TNS2: variants seen among roughly 807,000 people sequenced by gnomAD.
TNS2 encodes tensin 2.
A neutral mutation model predicts 155.7 loss-of-function variants in TNS2; 77 were observed. The ratio of observed to expected loss-of-function variants is 0.49; its 90% CI spans 0.41 to 0.60. The LOEUF (loss-of-function observed/expected upper bound fraction) is 0.60. Ranked by LOEUF, TNS2 falls within the 20% of genes least tolerant of loss-of-function variation. TNS2 has a pLI of 0.00. For missense variants in TNS2, 1,703 were observed against 1,868.8 expected (o/e 0.91, Z 1.64); for synonymous variants, 726 against 763.9 (o/e 0.95, Z 0.82).
intron 3 of TNS2, 70 bp from the exon 4 acceptor site, chr12:53,053,341 G>A: frequency 1.3e-6 from 2 of 1,586,294 alleles, no homozygotes; most frequent in South Asian, 2.2e-5. Context: ...GAAGCTGAGG[G>A]GCTGCCCCAT....
At position 53,050,156 on chromosome 12, in the gene TNS2, T is replaced by TGGGGCCAGCACC. The variant is rs1943875371; in HGVS notation, c.-29_-18dup. 6.2e-7 allele frequency: 1 copy of TGGGGCCAGCACC among 1,603,736 alleles called. No homozygotes were observed. On this transcript the variant is annotated 5_prime_UTR_variant, in exon 1 of 29. Coordinates refer to ENST00000314250, the MANE Select transcript of TNS2 (RefSeq NM_170754.4). The surrounding 1 kb of genome is among the most constrained non-coding windows in gnomAD (Gnocchi z 4.7). ...CCAGGCCCCAGCATTGTTCAGGCCC[T>TGGGGCCAGCACC]GGGGCCAGCACCCCAGCCAGCCGAA...
At chr12:53,054,183 C>G (rs1447418245) in intron 6 of TNS2, 87 bp from the exon 7 acceptor site, 1 of 1,596,648 alleles carries the variant, frequency 6.3e-7, no homozygotes, top group Admixed American at 1.7e-5. Flanking sequence ...CAGGCTTCAC[C>G]TGCTGCCCAA....
Position 53,063,712 on chromosome 12 carries a change from T to C in TNS2, c.4092-32T>C, listed in dbSNP as rs371218374. Reference sequence around the variant, plus strand: ...GCTACATTCCCTTGTGGAAGGAATGTTAAGCCCCTTCCCCACCCTTTATCC... The same window carrying C: ...GCTACATTCCCTTGTGGAAGGAATGCTAAGCCCCTTCCCCACCCTTTATCC... On this transcript the variant is annotated intron_variant, in intron 28 of 28. Transcript: ENST00000314250. The surrounding 1 kb of genome is among the most constrained non-coding windows in gnomAD (Gnocchi z 5.6). 7.4e-5 allele frequency: 120 copies of C among 1,613,922 alleles called. No homozygotes were observed. The African/African-American group carries it at 1.2e-3, about 16-fold the overall frequency.
In TNS2 at chr12:53,050,112, G is replaced by A. The variant is rs1185958075; in HGVS notation, c.-74G>A. ...GGGAAGCGGCTGCCTCCGCCAGGCC[G>A]CTTCCAGGAAGCCCCGGGCCAGGCC... On this transcript the variant is annotated 5_prime_UTR_variant, in exon 1 of 29. Coordinates refer to ENST00000314250, the MANE Select transcript of TNS2 (RefSeq NM_170754.4). This position sits in a 1 kb window ranked among gnomAD's most constrained non-coding sequence, Gnocchi z 4.7. The A allele has an allele frequency of 2.5e-5, 39 of 1,568,106 alleles. No homozygotes were observed. The highest frequency in any genetic ancestry group is 3.0e-5 in the Non-Finnish European group (35 of 1,160,032).
At position 53,064,211 on chromosome 12, in the gene TNS2, G is replaced by C; in HGVS notation, c.*329G>C. The C allele has an allele frequency of 6.6e-6, 2 of 300,866 alleles. No homozygotes were observed. The highest frequency in any genetic ancestry group is 2.1e-5 in the African/African-American group (1 of 46,884). 18.6% of individuals were successfully genotyped at this position (300,866 alleles called of 1,614,324 possible). ...TCAGCCCTCCAGGGGATCAGCCCCTGCCAGTTCCACCCAGCTGCAGGTGCC... is the reference window on the plus strand; with the variant it reads ...TCAGCCCTCCAGGGGATCAGCCCCTCCCAGTTCCACCCAGCTGCAGGTGCC... On this transcript the variant is annotated 3_prime_UTR_variant, in exon 29 of 29. Transcript: ENST00000314250.
At chr12:53,058,852 G>A (rs778568971) in intron 17 of TNS2, 25 bp downstream of exon 17, 8 of 1,610,330 alleles carry the variant, frequency 5.0e-6, no homozygotes, top group East Asian at 4.5e-5. Context: ...TGCAGGGTGG[G>A]AGGTACAGGG....
At position 53,061,152 on chromosome 12, in the gene TNS2, G is replaced by C. The variant is rs758587082; in HGVS notation, c.3246G>C (p.Pro1082=). The C allele has an allele frequency of 9.3e-6, 15 of 1,607,994 alleles. No individual in the cohort carries two copies. In the East Asian group the frequency reaches 2.9e-4, roughly 31 times the overall value. The change falls in exon 20 of 29, where the codon CCG becomes CCC. Residue 1082 remains proline, a synonymous_variant. Transcript: ENST00000314250. ...PLPEKRHLPG[P]GQQPGPWGPE... ...CTGAGAAACGCCACCTGCCCGGGCC[G>C]GGGCAACAGCCAGGACCCTGGGGCC...
intron 5 of TNS2, 46 bp downstream of exon 5, chr12:53,053,858 G>A (rs373297095): frequency 1.2e-6 from 2 of 1,613,798 alleles, no homozygotes; most frequent in Non-Finnish European, 1.7e-6. Flanking sequence ...AGCTTTGGGA[G>A]TAAGGATCTA....
At position 53,060,510 on chromosome 12, in the gene TNS2, C is replaced by T. The variant is rs1417662158; in HGVS notation, c.2723C>T (p.Pro908Leu). 2 of 1,613,834 alleles carry T rather than the reference C, an allele frequency of 1.2e-6. No homozygotes were observed. Among genetic ancestry groups the T allele is most frequent in the Non-Finnish European group, 1.7e-6 (2 of 1,179,994 alleles). Residue 908 changes from proline (P) to leucine (L), a missense_variant, in exon 19 of 29, where the codon CCC becomes CTC. By Grantham distance (98) the Pro-to-Leu change is moderately conservative (BLOSUM62 -3). Coordinates refer to ENST00000314250, the MANE Select transcript of TNS2 (RefSeq NM_170754.4). This position sits in a 1 kb window ranked among gnomAD's most constrained non-coding sequence, Gnocchi z 6.1. ...PCSASSELSG[P>L]STPLHTSSPV... ...AGTGCTTCGTCAGAGTTGTCTGGTC[C>T]CTCCACGCCCCTGCACACCAGCAGT...
intron 10 of TNS2, chr12:53,056,217 G>A (rs539353533): frequency 6.1e-4 from 105 of 171,416 alleles, no homozygotes; most frequent in African/African-American, 2.4e-3. Flanking sequence ...AAAATTAGCC[G>A]GGCGTGGTGG....
Position 53,057,059 on chromosome 12 carries a change from G to C in TNS2, c.808G>C (p.Asp270His). ...ATLTMRKFCE[D>H]KVATELQPSQ... ...TCTTACCATGCGGAAATTCTGCGAG[G>C]ACAAGGTGGCCACAGAACTGCAGCC... Residue 270 changes from aspartate to histidine, a missense_variant, in exon 11 of 29, where the codon GAC (aspartate) becomes CAC (histidine). Asp to His is a moderately conservative substitution (Grantham distance 81, BLOSUM62 -1). Transcript: ENST00000314250. The C allele has an allele frequency of 6.2e-7, 1 of 1,613,776 alleles. No individual in the cohort carries two copies. The highest frequency in any genetic ancestry group is 8.5e-7 in the Non-Finnish European group (1 of 1,179,924).
chr12:53,053,856 G>A lies in TNS2; in HGVS notation c.300+44G>A, dbSNP rs746732074. 4 of 1,613,786 alleles carry A rather than the reference G, an allele frequency of 2.5e-6. No homozygotes were observed. In the African/African-American group the frequency reaches 4.0e-5, roughly 16 times the overall value. On this transcript the variant is annotated intron_variant, in intron 5 of 28. Transcript: ENST00000314250. ...AGGAGGGGGAAGCAGGTAGCTTTGGGAGTAAGGATCTAGATTTCCTGAAGA... is the reference window on the plus strand; with the variant it reads ...AGGAGGGGGAAGCAGGTAGCTTTGGAAGTAAGGATCTAGATTTCCTGAAGA...
At position 53,059,011 on chromosome 12, in the gene TNS2, G is replaced by T; in HGVS notation, c.1406-36G>T. 1 of 1,534,396 alleles carries T rather than the reference G, an allele frequency of 6.5e-7. No individual in the cohort carries two copies. Among genetic ancestry groups the T allele is most frequent in the Non-Finnish European group, 8.8e-7 (1 of 1,140,580 alleles). ...TTTTCTCTCTCCCTCCCTGTTCCCCGCTTGCCCTCCCTCCCTGATCCTCTT... is the reference window on the plus strand; with the variant it reads ...TTTTCTCTCTCCCTCCCTGTTCCCCTCTTGCCCTCCCTCCCTGATCCTCTT... On this transcript the variant is annotated intron_variant, in intron 17 of 28. Coordinates refer to ENST00000314250, the MANE Select transcript of TNS2 (RefSeq NM_170754.4). This position sits in a 1 kb window ranked among gnomAD's most constrained non-coding sequence, Gnocchi z 4.7.
At chr12:53,051,658 G>T (rs1041178843) in intron 1 of TNS2, among the ~76,000 whole-genome samples, 197 bp from the exon 2 acceptor site, 2 of 152,202 alleles carry the variant, frequency 1.3e-5, no homozygotes, top group African/African-American at 2.4e-5. Flanking sequence ...GACGCAAGGG[G>T]TCAGATTCCA....
rs779648453 is a variant in TNS2, at chr12:53,059,624, A to G, written c.1983A>G (p.Pro661=). The change falls in exon 18 of 29, where the codon CCA becomes CCG. Residue 661 remains proline (P), a synonymous_variant. Coordinates refer to ENST00000314250, the MANE Select transcript of TNS2 (RefSeq NM_170754.4). This position sits in a 1 kb window ranked among gnomAD's most constrained non-coding sequence, Gnocchi z 4.7. ...LYPYPPEMGK[P]ATGDFGYRAP... is the part of the protein sequence containing the mutation. ...CCTACCCACCTGAGATGGGGAAACC[A>G]GCCACTGGGGACTTTGGCTACCGCG... 18 of 1,612,796 alleles carry G rather than the reference A, an allele frequency of 1.1e-5. No individual in the cohort carries two copies. Among genetic ancestry groups the G allele is most frequent in the Non-Finnish European group, 1.4e-5 (17 of 1,179,674 alleles).
chr12:53,052,895 G>A (rs185373512), intron 3 of TNS2, among the ~76,000 whole-genome samples: 49 of 152,250 alleles, frequency 3.2e-4, no homozygotes, highest in Non-Finnish European at 2.5e-4. Flanking sequence ...ATGCCTGGGC[G>A]GGTCTTGTCC....
chr12:53,063,769 C>A lies in TNS2; in HGVS notation c.4117C>A (p.Pro1373Thr). ...GATCTTTGGTTTCGTGGCCAAGAAG[C>A]CGGGAAGCCCCTGGGAGAATGTGTG... ...SKIFGFVAKKPGSPWENVCHL... is the reference protein window; with the variant it reads ...SKIFGFVAKKTGSPWENVCHL... Residue 1373 changes from proline to threonine, a missense_variant, in exon 29 of 29, where the codon CCG becomes ACG. Pro to Thr is a conservative substitution (Grantham distance 38). Coordinates refer to ENST00000314250, the MANE Select transcript of TNS2 (RefSeq NM_170754.4). This position sits in a 1 kb window ranked among gnomAD's most constrained non-coding sequence, Gnocchi z 5.6. 1 of 1,614,164 alleles carries A rather than the reference C, an allele frequency of 6.2e-7. No homozygotes were observed. The highest frequency in any genetic ancestry group is 8.5e-7 in the Non-Finnish European group (1 of 1,180,016).
chr12:53,055,383 C>A, intron 8 of TNS2, 147 bp downstream of exon 8: 1 of 1,153,452 alleles, frequency 8.7e-7, no homozygotes, highest in Non-Finnish European at 1.2e-6. Context: ...ACTGGAGACA[C>A]CCCAAAACGT....
At chr12:53,049,969 A>C, upstream of TNS2, 7 of 986,296 alleles carry the variant, frequency 7.1e-6, no homozygotes, top group Non-Finnish European at 9.9e-6. Context: ...GGCCTCCCCC[A>C]CATCCTCCCC....
Sources: allele counts gnomAD v4.1 joint callset (sites outside exome capture counted in the v4.1 genomes callset), GRCh38; gene constraint gnomAD v4.1.1; non-coding constraint Gnocchi (gnomAD v3.1); transcripts MANE v1.5; gene names NCBI Gene and HGNC (gene_info 2026-07-23, HGNC 2026-07-21).